PRRT4: variants seen among roughly 807,000 people sequenced by gnomAD.
The protein encoded by PRRT4 is proline rich transmembrane protein 4, also known as proline-rich transmembrane protein 4.
In PRRT4, 59 loss-of-function variants were observed where a neutral mutation model predicts 55.6. That is an observed-to-expected ratio of 1.06 (90% CI 0.86 to 1.32). The LOEUF is 1.32. Among genes scored for constraint, PRRT4 ranks in the 40% most tolerant of loss-of-function variants. The pLI, the probability that PRRT4 is intolerant of heterozygous loss-of-function variation, is 0.00. For synonymous variants in PRRT4, 606 were observed against 601.8 expected (o/e 1.01, Z -0.10); for missense variants, 1,217 against 1,222.0 (o/e 1.00, Z 0.06).
exon 5 of PRRT4, chr7:128,350,861 G>A (rs1289170008): frequency 2.6e-6 from 4 of 1,551,062 alleles, no homozygotes; most frequent in Non-Finnish European, 3.5e-6. Context: ...CCTCTTCACA[G>A]GTCTATGGTG....
intron 4 of PRRT4, among the ~76,000 whole-genome samples, chr7:128,354,576 C>A (rs1473510985): frequency 6.8e-6 from 1 of 147,542 alleles, no homozygotes; most frequent in Non-Finnish European, 1.5e-5. Context: ...AAAAAACACA[C>A]ACACACACAC....
At chr7:128,353,371 A>G (rs185580729) in intron 4 of PRRT4, among the ~76,000 whole-genome samples, 3 of 152,134 alleles carry the variant, frequency 2.0e-5, no homozygotes, top group African/African-American at 2.4e-5. Flanking sequence ...TAGTGCTAGG[A>G]GGAGCTTCCC....
At chr7:128,351,458 C>T in exon 5 of PRRT4, 3 of 1,521,466 alleles carry the variant, frequency 2.0e-6, no homozygotes, top group Non-Finnish European at 2.6e-6. Flanking sequence ...TTGGCCGCCG[C>T]GCCTTCGAAG....
At chr7:128,350,766 G>C, downstream of PRRT4, 1 of 1,497,508 alleles carries the variant, frequency 6.7e-7, no homozygotes, top group Admixed American at 2.1e-5. Flanking sequence ...CTGAGCCAGG[G>C]AGGATTGGGG....
Position 128,351,334 on chromosome 7 carries a change from A to G in PRRT4, c.2222T>C (p.Leu741Pro), listed in dbSNP as rs1796960054. 2 of 1,546,626 alleles carry G rather than the reference A, an allele frequency of 1.3e-6. No individual in the cohort carries two copies. The highest frequency in any genetic ancestry group is 1.4e-5 in the African/African-American group (1 of 73,038). ...GCCCTGGAAGAGGCCAGGCGCAAGC[A>G]GGGCCTCGCTGCAGAGGGCCTCCTC... The change falls in exon 5 of 5, where the codon CTG (leucine) becomes CCG (proline). Residue 741 changes from leucine to proline, a missense_variant. Transcript: ENST00000535159.
chr7:128,351,930 C>T, exon 5 of PRRT4: 1 of 1,295,052 alleles, frequency 7.7e-7, no homozygotes, highest in African/African-American at 1.5e-5. Flanking sequence ...TGCGCCCCTG[C>T]GGCAGGGGTG....
intron 1 of PRRT4, chr7:128,361,383 C>T (rs905542202): frequency 2.0e-5 from 3 of 152,242 alleles, no homozygotes; most frequent in African/African-American, 7.2e-5. Context: ...GGCCCTGGCG[C>T]CCAGCTGGGC....
exon 2 of PRRT4, chr7:128,359,675 G>A: frequency 6.4e-7 from 1 of 1,551,288 alleles, no homozygotes; most frequent in Non-Finnish European, 8.7e-7. Context: ...AGAGTTCCCT[G>A]AGGAGCCCAC....
At chr7:128,353,023 C>G (rs984042575) in intron 4 of PRRT4, among the ~76,000 whole-genome samples, 1 of 151,970 alleles carries the variant, frequency 6.6e-6, no homozygotes, top group African/African-American at 2.4e-5. Context: ...TTAGACACCC[C>G]CTCCAGTTCA....
chr7:128,352,049 C>A, exon 5 of PRRT4: 1 of 1,249,800 alleles, frequency 8.0e-7, no homozygotes, highest in Non-Finnish European at 1.0e-6. Context: ...GCGAGAAAGG[C>A]GTGCAGCCCG....
At chr7:128,352,128 C>A (rs1796997271) in exon 5 of PRRT4, 10 of 1,228,166 alleles carry the variant, frequency 8.1e-6, no homozygotes, top group Admixed American at 4.5e-5. Flanking sequence ...CGGCCGCCAG[C>A]CCCAGCCCCA....
exon 2 of PRRT4, chr7:128,359,433 C>G (rs1315568757): frequency 1.4e-6 from 2 of 1,464,186 alleles, no homozygotes; most frequent in Non-Finnish European, 1.8e-6. Context: ...GGGGCTGCAC[C>G]TGCTCTCAGT....
chr7:128,354,821 C>T (rs1006765843), intron 4 of PRRT4, among the ~76,000 whole-genome samples: 1 of 152,110 alleles, frequency 6.6e-6, no homozygotes. Flanking sequence ...GCCCTGGTTC[C>T]CATTCCATCA....
chr7:128,352,507 G>A, exon 5 of PRRT4: 1 of 1,542,368 alleles, frequency 6.5e-7, no homozygotes, highest in Non-Finnish European at 8.7e-7. Context: ...TGCCCAGTCG[G>A]CCTCCAGGGT....
intron 4 of PRRT4, among the ~76,000 whole-genome samples, chr7:128,354,227 C>A (rs1797062495): frequency 6.6e-6 from 1 of 152,170 alleles, no homozygotes; most frequent in Non-Finnish European, 1.5e-5. Flanking sequence ...AGGAGCACCC[C>A]CAGCCACAGG....
chr7:128,361,349 C>T (rs3097362), intron 1 of PRRT4: 113,215 of 151,968 alleles, frequency 0.74, 42,761 homozygotes, highest in Middle Eastern at 0.84. Flanking sequence ...CCTCGCCGAG[C>T]CTCCGAAAAG....
intron 2 of PRRT4, 28 bp downstream of exon 3, chr7:128,359,312 C>A: frequency 1.3e-6 from 2 of 1,516,066 alleles, no homozygotes; most frequent in Non-Finnish European, 1.8e-6. Flanking sequence ...CCAGCAGGGG[C>A]TTTCCTTGGG....
chr7:128,359,497 T>C (rs939081489), exon 2 of PRRT4: 1 of 1,465,926 alleles, frequency 6.8e-7, no homozygotes, highest in Non-Finnish European at 9.0e-7. Context: ...GAGCACTGGA[T>C]GGAAGTGCTG....
intron 4 of PRRT4, among the ~76,000 whole-genome samples, chr7:128,357,819 C>A (rs1186101643): frequency 1.3e-5 from 2 of 152,234 alleles, no homozygotes; most frequent in Non-Finnish European, 2.9e-5. Context: ...ACCAGAACCT[C>A]TCCTCCAGCT....
Sources: gnomAD v4.1 joint callset for allele counts (sites outside exome capture counted in the v4.1 genomes callset) on GRCh38, gnomAD v4.1.1 for gene constraint, MANE v1.5 for transcripts, NCBI Gene and HGNC (gene_info 2026-07-23, HGNC 2026-07-21) for gene names.